Variants in MAML2 observed in about 807,000 individuals in gnomAD.
MAML2 encodes the protein mastermind like transcriptional coactivator 2.
In MAML2, 22 loss-of-function variants were observed where a neutral mutation model predicts 96.1. That is an observed-to-expected ratio of 0.23 (90% CI 0.16 to 0.33). MAML2 has a LOEUF of 0.33. Ranked by LOEUF, MAML2 falls within the 10% of genes least tolerant of loss-of-function variation. The probability of loss-of-function intolerance (pLI) is 1.00; values close to 1 mark genes in which losing one functional copy is unlikely to be tolerated. For synonymous variants in MAML2, 561 were observed against 521.3 expected (o/e 1.08, Z -1.04); for missense variants, 1,367 against 1,392.4 (o/e 0.98, Z 0.29).
At position 96,017,716 on chromosome 11, in the gene MAML2, T is replaced by C. The variant is rs898801680; in HGVS notation, c.2140-25993A>G. 4.0e-5 allele frequency among the ~76,000 whole-genome samples: 6 copies of C among 151,564 alleles called. 1 individual carries two copies. Among genetic ancestry groups the C allele is most frequent in the African/African-American group, 7.3e-5 (3 of 41,198 alleles). On this transcript the variant is annotated intron_variant, in intron 2 of 4. Transcript: ENST00000524717. ...AGTGAGGGGAGAGCCTTGTGCACAGTGGAGGGATTTCAAGTCCTGAGTTCT... is the reference window on the plus strand; with the variant it reads ...AGTGAGGGGAGAGCCTTGTGCACAGCGGAGGGATTTCAAGTCCTGAGTTCT...
At chr11:96,339,563 G>A (rs889123192) in intron 1 of MAML2, among the ~76,000 whole-genome samples, 1 of 152,130 alleles carries the variant, frequency 6.6e-6, no homozygotes, top group African/African-American at 2.4e-5. Flanking sequence ...TGACACCCCG[G>A]GCAGAGATCA....
intron 1 of MAML2, among the ~76,000 whole-genome samples, chr11:96,286,801 C>G (rs904009529): frequency 6.6e-6 from 1 of 152,036 alleles, no homozygotes; most frequent in Admixed American, 6.5e-5. Flanking sequence ...TATAAGCTTC[C>G]TCATCTAACC....
chr11:96,091,111 G>A (rs768921153), intron 2 of MAML2, among the ~76,000 whole-genome samples: 10 of 152,086 alleles, frequency 6.6e-5, no homozygotes, highest in South Asian at 2.1e-4. Flanking sequence ...CGTTTGGGGC[G>A]GAATAAACCT....
intron 1 of MAML2, among the ~76,000 whole-genome samples, chr11:96,276,705 G>A (rs1862992303): frequency 1.3e-5 from 2 of 150,628 alleles, no homozygotes; most frequent in African/African-American, 2.4e-5. Flanking sequence ...CAATCAGGTC[G>A]AAGTGGCTTG....
intron 1 of MAML2, among the ~76,000 whole-genome samples, chr11:96,172,801 A>T (rs940177995): frequency 6.6e-6 from 1 of 152,238 alleles, no homozygotes; most frequent in Non-Finnish European, 1.5e-5. Context: ...TTCTGTGTGT[A>T]TATTATGGAA....
At chr11:96,091,762 T>A in intron 2 of MAML2, 130 bp downstream of exon 2, 1 of 1,337,478 alleles carries the variant, frequency 7.5e-7, no homozygotes, top group Non-Finnish European at 1.0e-6. Flanking sequence ...GGTCTTCATA[T>A]GACTCCATCA....
intron 1 of MAML2, among the ~76,000 whole-genome samples, chr11:96,126,889 G>A (rs1055041691): frequency 6.7e-6 from 1 of 148,628 alleles, no homozygotes. Flanking sequence ...TGATGACAGT[G>A]CATGTGGTAT....
intron 2 of MAML2, among the ~76,000 whole-genome samples, chr11:96,048,450 T>C (rs1159123657): frequency 6.6e-6 from 1 of 152,224 alleles, no homozygotes; most frequent in Non-Finnish European, 1.5e-5. Context: ...TGAATTTTTT[T>C]ATACAACTAA....
intron 1 of MAML2, among the ~76,000 whole-genome samples, chr11:96,180,479 A>G (rs1037077871): frequency 1.3e-5 from 2 of 152,192 alleles, no homozygotes; most frequent in African/African-American, 4.8e-5. Context: ...ACAGAGAGAG[A>G]CTACATGTAG....
intron 1 of MAML2, among the ~76,000 whole-genome samples, chr11:96,134,746 T>A (rs543299142): frequency 2.6e-5 from 4 of 152,238 alleles, no homozygotes; most frequent in Non-Finnish European, 5.9e-5. Flanking sequence ...TGCTTTTATT[T>A]CCTCAAGCTA....
At position 96,105,108 on chromosome 11, in the gene MAML2, T is replaced by C. The variant is rs115597942; in HGVS notation, c.514-11591A>G. ...ATAAATTCATATTTTTCTTGATTAA[T>C]TAAAGTTGAAATGCTGGAAAGAGGC... is the stretch of plus-strand genomic sequence containing the variant. On this transcript the variant is annotated intron_variant, in intron 1 of 4. Coordinates refer to ENST00000524717, the MANE Select transcript of MAML2 (RefSeq NM_032427.4). 7.0e-3 allele frequency among the ~76,000 whole-genome samples: 1,067 copies of C among 152,338 alleles called. 14 individuals carry two copies. Among genetic ancestry groups the C allele is most frequent in the African/African-American group, 0.024 (1,006 of 41,566 alleles).
chr11:96,015,587 G>GA (rs1448482049), intron 2 of MAML2, among the ~76,000 whole-genome samples: 2 of 126,258 alleles, frequency 1.6e-5, no homozygotes, highest in East Asian at 5.1e-4. Context: ...AAAAAAAAGG[G>GA]GGGGGGGGCA....
At position 96,092,600 on chromosome 11, in the gene MAML2, CT is replaced by C; in HGVS notation, c.1430del (p.Gln477ArgfsTer24). ...CAAAAGAAGGGCTGGGGATTTTCTC[CT>C]GCCCAAATGGACCTGGTGATGGTCC... ...SAGPSPGPFG[Q>X]EKIPSPSFGQ... On this transcript the variant is annotated frameshift_variant, in exon 2 of 5. Transcript: ENST00000524717. LOFTEE classifies it high-confidence loss of function. The surrounding 1 kb of genome is among the most constrained non-coding windows in gnomAD (Gnocchi z 4.1). 6.2e-7 allele frequency: 1 copy of C among 1,611,254 alleles called. No individual in the cohort carries two copies. Among genetic ancestry groups the C allele is most frequent in the Non-Finnish European group, 8.5e-7 (1 of 1,177,806 alleles).
At chr11:96,330,430 A>G (rs1279228974) in intron 1 of MAML2, among the ~76,000 whole-genome samples, 1 of 152,260 alleles carries the variant, frequency 6.6e-6, no homozygotes, top group Non-Finnish European at 1.5e-5. Flanking sequence ...AAAGACGTTA[A>G]GTAACCAGTC....
intron 1 of MAML2, among the ~76,000 whole-genome samples, chr11:96,255,999 G>A (rs1350613315): frequency 1.3e-5 from 2 of 149,718 alleles, no homozygotes; most frequent in Non-Finnish European, 3.0e-5. Context: ...TCAGCTTCCC[G>A]AGTAGCTGGG....
At chr11:96,166,905 C>A (rs1246742451) in intron 1 of MAML2, among the ~76,000 whole-genome samples, 3 of 152,158 alleles carry the variant, frequency 2.0e-5, no homozygotes, top group Admixed American at 2.0e-4. Flanking sequence ...ATTCTTAGTC[C>A]TCTCTCTTCT....
intron 2 of MAML2, among the ~76,000 whole-genome samples, chr11:96,044,078 T>C (rs1590978508): frequency 6.6e-6 from 1 of 152,218 alleles, no homozygotes; most frequent in Non-Finnish European, 1.5e-5. Context: ...GTATGAAGGT[T>C]ACAAGCTAAG....
intron 1 of MAML2, among the ~76,000 whole-genome samples, chr11:96,118,247 C>T (rs1860277058): frequency 6.6e-6 from 1 of 152,168 alleles, no homozygotes; most frequent in African/African-American, 2.4e-5. Context: ...CTGCAATGTC[C>T]AGCTATACGG....
At chr11:96,024,236 G>A (rs1858480976) in intron 2 of MAML2, among the ~76,000 whole-genome samples, 1 of 152,234 alleles carries the variant, frequency 6.6e-6, no homozygotes, top group Admixed American at 6.5e-5. Flanking sequence ...TTTGCAAAAT[G>A]CCTGAGTTTG....
Sources: gnomAD v4.1 joint callset for allele counts (sites outside exome capture counted in the v4.1 genomes callset) on GRCh38, gnomAD v4.1.1 for gene constraint, Gnocchi (gnomAD v3.1) non-coding constraint, MANE v1.5 for transcripts, NCBI Gene and HGNC (gene_info 2026-07-23, HGNC 2026-07-21) for gene names.